Variants in IL22 observed in about 807,000 individuals in gnomAD.
IL22 encodes the protein interleukin 22, also known as interleukin-22.
A neutral mutation model predicts 15.5 loss-of-function variants in IL22; 15 were observed. The observed-to-expected ratio is 0.97, with a 90% confidence interval of 0.65 to 1.49. The LOEUF (loss-of-function observed/expected upper bound fraction) is 1.49. IL22 is among the 40% of genes most tolerant of loss of function. The pLI, the probability that IL22 is intolerant of heterozygous loss-of-function variation, is 0.00. For synonymous variants in IL22, 91 were observed against 82.0 expected (o/e 1.11, Z -0.60); for missense variants, 225 against 215.4 (o/e 1.04, Z -0.28).
chr12:68,251,003 CT>C (rs1459493801), intron 5 of IL22, among the ~76,000 whole-genome samples: 46 of 152,320 alleles, frequency 3.0e-4, no homozygotes, highest in African/African-American at 9.4e-4. Context: ...AAGTCCAGCT[CT>C]TTTCTCATTG....
At chr12:68,251,603 T>A in intron 4 of IL22, 25 bp from the exon 5 acceptor site, 1 of 1,541,384 alleles carries the variant, frequency 6.5e-7, no homozygotes, top group Admixed American at 1.7e-5. Flanking sequence ...CAAGCATAAC[T>A]ATCTTAATGT....
chr12:68,249,886 G>T (rs1193117642), intron 5 of IL22, among the ~76,000 whole-genome samples: 1 of 151,868 alleles, frequency 6.6e-6, no homozygotes, highest in Non-Finnish European at 1.5e-5. Context: ...TTGACATAAG[G>T]CCAAAAAGAT....
In IL22 at chr12:68,248,287, C is replaced by G. The variant is rs1869805683; in HGVS notation, c.*512G>C. On this transcript the variant is annotated 3_prime_UTR_variant, in exon 6 of 6. Transcript: ENST00000538666. ...TTGAGGTCAAATAAACATGTTATAG[C>G]TCTATAATTATTGTCATAAATATCA... 1 of 152,180 alleles carries G rather than the reference C, an allele frequency of 6.6e-6. No homozygotes were observed. 9.4% of individuals were successfully genotyped at this position (152,180 alleles called of 1,614,324 possible).
chr12:68,252,937 T>A (rs1869988402), intron 2 of IL22, 108 bp from the exon 3 acceptor site: 2 of 844,236 alleles, frequency 2.4e-6, no homozygotes, highest in Non-Finnish European at 3.9e-6. Context: ...TCATAAAGAC[T>A]AAAAGCAGAA....
intron 5 of IL22, among the ~76,000 whole-genome samples, chr12:68,250,505 G>A (rs1443089095): frequency 1.3e-5 from 2 of 152,196 alleles, no homozygotes; most frequent in African/African-American, 4.8e-5. Context: ...GGGAATTAAG[G>A]TTAAGCTTGT....
intron 5 of IL22, among the ~76,000 whole-genome samples, chr12:68,249,297 C>T (rs1214482694): frequency 1.3e-5 from 2 of 152,210 alleles, no homozygotes; most frequent in Non-Finnish European, 2.9e-5. Flanking sequence ...AGCCCACAGG[C>T]CGCACATGGC....
chr12:68,248,768 G>T lies in IL22; in HGVS notation c.*31C>A. The T allele has an allele frequency of 1.9e-6, 3 of 1,550,930 alleles. No homozygotes were observed. The highest frequency in any genetic ancestry group is 1.4e-5 in the African/African-American group (1 of 73,616). On this transcript the variant is annotated 3_prime_UTR_variant, in exon 6 of 6. Coordinates refer to ENST00000538666, the MANE Select transcript of IL22 (RefSeq NM_020525.5). ...TTGTTATTTCTAGCAGGGAAAGGGG[G>T]TTAGTTATTCATTTTTCAGCTTTGC...
rs139006537 is a variant in IL22 at position 68,252,949 on chromosome 12, T to G, written c.187-120A>C. 3.6e-3 allele frequency: 2,809 copies of G among 772,190 alleles called. 9 individuals carry two copies. The highest frequency in any genetic ancestry group is 0.012 in the Middle Eastern group (48 of 3,992). 47.8% of individuals were successfully genotyped at this position (772,190 alleles called of 1,614,324 possible). On this transcript the variant is annotated intron_variant, in intron 2 of 5. Transcript: ENST00000538666. ...ACATCATAAAGACTAAAAGCAGAAT[T>G]CAGATGTGTGCATGAGTTTAGAACA...
rs1470246473 is a variant in IL22, at chr12:68,253,121, C to T, written c.186+142G>A. 38 of 664,592 alleles carry T rather than the reference C, an allele frequency of 5.7e-5. No homozygotes were observed. In the East Asian group the frequency reaches 1.2e-3, roughly 20 times the overall value. 41.2% of individuals were successfully genotyped at this position (664,592 alleles called of 1,614,324 possible). ...AAAAAAAGCCAGATTCCCAAAGAGT[C>T]TCTGAAAAAACAGAAAATTTATCTA... is the stretch of plus-strand genomic sequence containing the variant. On this transcript the variant is annotated intron_variant, in intron 2 of 5. Transcript: ENST00000538666.
chr12:68,248,742 A>C lies in IL22; in HGVS notation c.*57T>G. ...AAAAAAAATCGCTTTGGGGCATCTA[A>C]TTGTTATTTCTAGCAGGGAAAGGGG... is the stretch of plus-strand genomic sequence containing the variant. On this transcript the variant is annotated 3_prime_UTR_variant, in exon 6 of 6. Coordinates refer to ENST00000538666, the MANE Select transcript of IL22 (RefSeq NM_020525.5). 1 of 1,417,814 alleles carries C rather than the reference A, an allele frequency of 7.1e-7. No homozygotes were observed. Among genetic ancestry groups the C allele is most frequent in the Non-Finnish European group, 9.9e-7 (1 of 1,013,718 alleles). The allele number at this position is 1,417,814 out of a possible 1,614,324, so 87.8% of individuals were successfully genotyped here. A position where few individuals can be genotyped will look rare whatever the true frequency, so the allele number is the denominator to read the frequency against.
At position 68,248,285 on chromosome 12, in the gene IL22, A is replaced by G. The variant is rs1025395136; in HGVS notation, c.*514T>C. On this transcript the variant is annotated 3_prime_UTR_variant, in exon 6 of 6. Transcript: ENST00000538666. ...TATTGAGGTCAAATAAACATGTTATAGCTCTATAATTATTGTCATAAATAT... is the reference window on the plus strand; with the variant it reads ...TATTGAGGTCAAATAAACATGTTATGGCTCTATAATTATTGTCATAAATAT... 6.6e-6 allele frequency: 1 copy of G among 152,350 alleles called. No individual in the cohort carries two copies. Among genetic ancestry groups the G allele is most frequent in the Non-Finnish European group, 1.5e-5 (1 of 68,054 alleles). 9.4% of individuals were successfully genotyped at this position (152,350 alleles called of 1,614,324 possible).
intron 5 of IL22, among the ~76,000 whole-genome samples, chr12:68,250,870 T>C (rs971328477): frequency 3.9e-5 from 6 of 152,194 alleles, no homozygotes; most frequent in Non-Finnish European, 8.8e-5. Context: ...TTTTACTCTA[T>C]TTGAACCTGT....
At chr12:68,251,052 T>TAATGACTTCAAA (rs1169485598) in intron 5 of IL22, among the ~76,000 whole-genome samples, 36 of 152,340 alleles carry the variant, frequency 2.4e-4, no homozygotes, top group African/African-American at 8.4e-4. Flanking sequence ...AGCAATGCAT[T>TAATGACTTCAAA]AATGACTTCA....
At chr12:68,250,292 T>G (rs1869882637) in intron 5 of IL22, among the ~76,000 whole-genome samples, 1 of 152,202 alleles carries the variant, frequency 6.6e-6, no homozygotes. Flanking sequence ...CAGTAATTTT[T>G]TAAGCAAGAT....
In IL22 at chr12:68,252,519, G is replaced by A; in HGVS notation, c.381C>T (p.Asn127=). 2.5e-6 allele frequency: 4 copies of A among 1,613,962 alleles called. No individual in the cohort carries two copies. Among genetic ancestry groups the A allele is most frequent in the Non-Finnish European group, 2.5e-6 (3 of 1,179,956 alleles). The change falls in exon 4 of 6, where the codon AAC becomes AAT. Residue 127 remains asparagine, a synonymous_variant. Coordinates refer to ENST00000538666, the MANE Select transcript of IL22 (RefSeq NM_020525.5). ...CTGAACTTACACATGTGCTTAGCCT[G>A]TTGCTGAGCCTGGCCAGGAAGGGCA... ...EVVPFLARLS[N]RLSTCHIEGD...
chr12:68,251,629 T>G (rs1869935447), intron 4 of IL22, 51 bp from the exon 5 acceptor site: 1 of 1,360,274 alleles, frequency 7.4e-7, no homozygotes, highest in African/African-American at 1.4e-5. Flanking sequence ...TGAAACTTTA[T>G]GAACCTCCAC....
Position 68,252,585 on chromosome 12 carries a change from G to A in IL22, c.315C>T (p.Phe105=). Residue 105 remains phenylalanine (F), a synonymous_variant, in exon 4 of 6, where the codon TTC becomes TTT. Transcript: ENST00000538666. ...VLNFTLEEVL[F]PQSDRFQPYM... ...AAGGCTGGAACCTATCAGATTGAGGGAACAGCACTTCTTCAAGGGTGAAGT... is the reference window on the plus strand; with the variant it reads ...AAGGCTGGAACCTATCAGATTGAGGAAACAGCACTTCTTCAAGGGTGAAGT... 1 of 1,613,952 alleles carries A rather than the reference G, an allele frequency of 6.2e-7. No homozygotes were observed. The highest frequency in any genetic ancestry group is 8.5e-7 in the Non-Finnish European group (1 of 1,179,872).
In IL22 at chr12:68,253,020, T is replaced by C. The variant is rs116860565; in HGVS notation, c.187-191A>G. Among the ~76,000 whole-genome samples the C allele has an allele frequency of 2.4e-3, 365 of 151,022 alleles. 3 individuals carry two copies. The highest frequency in any genetic ancestry group is 4.2e-3 in the Non-Finnish European group (288 of 67,852). On this transcript the variant is annotated intron_variant, in intron 2 of 5. Transcript: ENST00000538666. ...AAAAAAAAATCATCAGATGGATTAC[T>C]GAATGGCCGCTCTTTGGGAAAAATT...
chr12:68,252,806 T>G lies in IL22; in HGVS notation c.210A>C (p.Thr70=). 1.9e-6 allele frequency: 3 copies of G among 1,613,990 alleles called. No homozygotes were observed. The highest frequency in any genetic ancestry group is 1.7e-6 in the Non-Finnish European group (2 of 1,179,912). The stretch of plus-strand genomic sequence containing the variant: ...GTTTCTCCCCAATGAGACGAACGTC[T>G]GTGTTGTTATCAGCCAAGCTAGCCT... ...AKEASLADNN[T]DVRLIGEKLF... is the part of the protein sequence containing the mutation. The change falls in exon 3 of 6, where the codon ACA becomes ACC. Residue 70 remains threonine (T), a synonymous_variant. Coordinates refer to ENST00000538666, the MANE Select transcript of IL22 (RefSeq NM_020525.5).
Sources: gnomAD v4.1 joint callset for allele counts (sites outside exome capture counted in the v4.1 genomes callset) on GRCh38, gnomAD v4.1.1 for gene constraint, MANE v1.5 for transcripts, NCBI Gene and HGNC (gene_info 2026-07-23, HGNC 2026-07-21) for gene names.